The following HERC1 variants were observed in gnomAD, a reference collection of about 807,000 sequenced individuals.
HERC1 encodes the protein HECT and RLD domain containing E3 ubiquitin protein ligase family member 1, also known as probable E3 ubiquitin-protein ligase HERC1.
A neutral mutation model predicts 554.3 loss-of-function variants in HERC1; 160 were observed. The ratio of observed to expected loss-of-function variants is 0.29; its 90% CI spans 0.25 to 0.33. The LOEUF is 0.33. Among genes scored for constraint, HERC1 ranks in the 10% least tolerant of loss-of-function variants. The probability of loss-of-function intolerance (pLI) is 1.00; values close to 1 mark genes in which losing one functional copy is unlikely to be tolerated. For missense variants in HERC1, 4,919 were observed against 5,918.5 expected, an observed-to-expected ratio of 0.83 and a Z score of 5.54; for synonymous variants, 2,175 against 2,131.7, an observed-to-expected ratio of 1.02 and a Z score of -0.56.
At chr15:63,771,567 G>T (rs1378732272) in intron 2 of HERC1, among the ~76,000 whole-genome samples, 1 of 151,922 alleles carries the variant, frequency 6.6e-6, no homozygotes, top group Non-Finnish European at 1.5e-5. Flanking sequence ...AAGTAGCTGG[G>T]ATTACAGGCA....
rs1357493004 is a variant in HERC1 at position 63,786,291 on chromosome 15, AAAAG to A, written c.-26-10646_-26-10643del. Among the ~76,000 whole-genome samples, 283 of 151,740 alleles carry A rather than the reference AAAAG, an allele frequency of 1.9e-3. 1 individual carries two copies. The highest frequency in any genetic ancestry group is 7.3e-3 in the South Asian group (35 of 4,790). ...ATGTTTCTATTAAAAAAAAAAAAAA[AAAAG>A]AAGAAGAAGAAGAATCGAAAGACAG... is the stretch of plus-strand genomic sequence containing the variant. On this transcript the variant is annotated intron_variant, in intron 1 of 77. Transcript: ENST00000443617.
chr15:63,744,164 G>GTGTGTGTGTGTGTGTC lies in HERC1; in HGVS notation c.2520+2753_2520+2754insGACACACACACACACA. The stretch of plus-strand genomic sequence containing the variant: ...TGTGTGTGTGTGTGTGTGTGTGTGT[G>GTGTGTGTGTGTGTGTC]TCTCTCTCTCTCTCTCTCTCTCTCT... On this transcript the variant is annotated intron_variant, in intron 12 of 77. Transcript: ENST00000443617. Among the ~76,000 whole-genome samples, 413 of 45,976 alleles carry GTGTGTGTGTGTGTGTC rather than the reference G, an allele frequency of 9.0e-3. 6 individuals are homozygous for GTGTGTGTGTGTGTGTC. Among genetic ancestry groups the GTGTGTGTGTGTGTGTC allele is most frequent in the East Asian group, 0.034 (67 of 1,988 alleles). 30.2% of individuals were successfully genotyped at this position (45,976 alleles called of 152,430 possible). A position where few individuals can be genotyped will look rare whatever the true frequency, so the allele number is the denominator to read the frequency against.
intron 12 of HERC1, among the ~76,000 whole-genome samples, chr15:63,744,696 C>T (rs751950399): frequency 1.7e-4 from 26 of 152,118 alleles, no homozygotes; most frequent in Non-Finnish European, 1.9e-4. Context: ...CCCAGGGATT[C>T]TTAAGTTAGC....
Position 63,651,174 on chromosome 15 carries a change from C to A in HERC1, c.10546+79G>T. The A allele has an allele frequency of 3.0e-6, 4 of 1,326,034 alleles. No homozygotes were observed. In the South Asian group the frequency reaches 3.9e-5, roughly 13 times the overall value. The allele number at this position is 1,326,034 out of a possible 1,614,324, so 82.1% of individuals were successfully genotyped here. The stretch of plus-strand genomic sequence containing the variant: ...TGAATTTCAAGGTGAAGAGAAACCA[C>A]TGTTTGGACTCAGAAGACTAAGAAG... On this transcript the variant is annotated intron_variant, in intron 53 of 77. Coordinates refer to ENST00000443617, the MANE Select transcript of HERC1 (RefSeq NM_003922.4).
At chr15:63,658,876 C>A (rs546898414) in intron 47 of HERC1, among the ~76,000 whole-genome samples, 158 bp from the exon 48 acceptor site, 1 of 152,330 alleles carries the variant, frequency 6.6e-6, no homozygotes, top group Admixed American at 6.5e-5. Context: ...GAGAAACTCA[C>A]ATATTTCTAA....
chr15:63,822,794 A>G (rs2077750047), intron 1 of HERC1, among the ~76,000 whole-genome samples: 1 of 152,186 alleles, frequency 6.6e-6, no homozygotes, highest in African/African-American at 2.4e-5. Context: ...AGAATAAGGC[A>G]GAGATGACAA....
intron 27 of HERC1, among the ~76,000 whole-genome samples, chr15:63,695,289 G>A (rs1185624742): frequency 1.3e-5 from 2 of 151,952 alleles, no homozygotes; most frequent in Non-Finnish European, 2.9e-5. Context: ...CAACAGCCTT[G>A]GCCTCCCAAA....
rs767981204 is a variant in HERC1 at position 63,654,327 on chromosome 15, ACAG to A, written c.10085-6_10085-4del. On this transcript the variant is annotated splice_polypyrimidine_tract_variant and splice_region_variant and intron_variant, in intron 50 of 77. Transcript: ENST00000443617. Reference sequence around the variant, plus strand: ...GGCATTAGCCAACTCCAGAGGGCCTACAGCAGAAGGATCATAGGAAGGATGGGC... The same window carrying A: ...GGCATTAGCCAACTCCAGAGGGCCTACAGAAGGATCATAGGAAGGATGGGC... 7.1e-5 allele frequency: 114 copies of A among 1,610,310 alleles called. No individual in the cohort carries two copies. Among genetic ancestry groups the A allele is most frequent in the Admixed American group, 3.7e-4 (22 of 59,370 alleles).
At chr15:63,745,479 C>T (rs2075021878) in intron 12 of HERC1, among the ~76,000 whole-genome samples, 1 of 152,202 alleles carries the variant, frequency 6.6e-6, no homozygotes, top group African/African-American at 2.4e-5. Flanking sequence ...GGTTTAAATG[C>T]TCCCTCTGTG....
In HERC1 at chr15:63,675,682, G is replaced by A. The variant is rs543268282; in HGVS notation, c.7071-565C>T. Among the ~76,000 whole-genome samples, 3 of 152,222 alleles carry A rather than the reference G, an allele frequency of 2.0e-5. No homozygotes were observed. In the East Asian group the frequency reaches 5.8e-4, roughly 29 times the overall value. The stretch of plus-strand genomic sequence containing the variant: ...TGTAGTCTCAAATAATGCCTCTATA[G>A]TTTAAGCCAAAATATAATTATATAT... On this transcript the variant is annotated intron_variant, in intron 37 of 77. Transcript: ENST00000443617.
At chr15:63,769,089 C>T (rs1203545291) in intron 2 of HERC1, among the ~76,000 whole-genome samples, 7 of 152,276 alleles carry the variant, frequency 4.6e-5, no homozygotes, top group Non-Finnish European at 1.0e-4. Flanking sequence ...TCTACTCCAG[C>T]TTCAGTCAGT....
intron 1 of HERC1, among the ~76,000 whole-genome samples, chr15:63,785,872 C>A (rs1219858173): frequency 2.0e-5 from 3 of 152,046 alleles, no homozygotes; most frequent in Admixed American, 6.6e-5. Flanking sequence ...AGAGATTATT[C>A]TTCTTTTTCT....
intron 16 of HERC1, among the ~76,000 whole-genome samples, chr15:63,728,885 G>A (rs868853850): frequency 6.8e-6 from 1 of 145,992 alleles, no homozygotes. Context: ...ATTTCAAGAA[G>A]GAAAGTGAAA....
At chr15:63,818,514 T>A (rs1053868988) in intron 1 of HERC1, among the ~76,000 whole-genome samples, 2 of 152,136 alleles carry the variant, frequency 1.3e-5, no homozygotes, top group Admixed American at 1.3e-4. Flanking sequence ...AATATAAAAA[T>A]ATAAAATATT....
At chr15:63,648,917 A>G (rs12439722) in intron 54 of HERC1, among the ~76,000 whole-genome samples, 23,050 of 152,288 alleles carry the variant, frequency 0.15, 3,935 homozygotes, top group East Asian at 0.9. Context: ...CCCCCAGACA[A>G]CCAACAAAAT....
At chr15:63,609,335 T>A in intron 77 of HERC1, 69 bp from the exon 78 acceptor site, 1 of 1,363,522 alleles carries the variant, frequency 7.3e-7, no homozygotes, top group Non-Finnish European at 9.9e-7. Context: ...GGGCTGCCCA[T>A]GACCTCTCCC....
At chr15:63,706,042 A>G in intron 25 of HERC1, among the ~76,000 whole-genome samples, 1 of 150,868 alleles carries the variant, frequency 6.6e-6, no homozygotes, top group Admixed American at 6.6e-5. Flanking sequence ...AAAAAAAAAA[A>G]AAAAAAAAAA....
intron 34 of HERC1, among the ~76,000 whole-genome samples, chr15:63,685,881 C>G (rs11633180): frequency 0.44 from 67,451 of 152,072 alleles, 16,036 homozygotes; most frequent in Non-Finnish European, 0.53. Context: ...TACAGGCTGG[C>G]TTATTGTATC....
At chr15:63,651,082 A>G (rs989404567) in intron 53 of HERC1, among the ~76,000 whole-genome samples, 171 bp downstream of exon 53, 2 of 152,252 alleles carry the variant, frequency 1.3e-5, no homozygotes, top group African/African-American at 4.8e-5. Context: ...TGAATAAATG[A>G]GCACTTCCTC....
Sources: allele counts gnomAD v4.1 joint callset (sites outside exome capture counted in the v4.1 genomes callset), GRCh38; gene constraint gnomAD v4.1.1; transcripts MANE v1.5; gene names NCBI Gene and HGNC (gene_info 2026-07-23, HGNC 2026-07-21).